The following STK32B variants were observed in gnomAD, a reference collection of about 807,000 sequenced individuals.
The protein encoded by STK32B is serine/threonine kinase 32B, also known as serine/threonine-protein kinase 32B.
Under a neutral mutation model 52.6 loss-of-function variants are expected in STK32B, and 43 were observed. That is an observed-to-expected ratio of 0.82 (90% CI 0.64 to 1.05). The LOEUF (loss-of-function observed/expected upper bound fraction) is 1.05, where lower values mean the gene tolerates loss of function less well. Among genes scored for constraint, STK32B ranks in the 50% least tolerant of loss-of-function variants. The pLI is 0.00. For missense variants in STK32B, 621 were observed against 534.6 expected (o/e 1.16, Z -1.59); for synonymous variants, 238 against 204.3 (o/e 1.17, Z -1.41).
intron 5 of STK32B, among the ~76,000 whole-genome samples, chr4:5,402,577 G>A (rs1272116163): frequency 1.3e-5 from 2 of 152,208 alleles, no homozygotes; most frequent in African/African-American, 2.4e-5. Context: ...CCCTGTGGCC[G>A]AGGAACTCAT....
intron 7 of STK32B, among the ~76,000 whole-genome samples, chr4:5,452,954 C>A (rs1716139280): frequency 6.6e-6 from 1 of 152,040 alleles, no homozygotes; most frequent in Admixed American, 6.6e-5. Context: ...AGTGAGAGAA[C>A]TCAGCATCAG....
chr4:5,044,669 G>A, the STK32B span, among the ~76,000 whole-genome samples: 2 of 152,148 alleles, frequency 1.3e-5, no homozygotes, highest in East Asian at 3.9e-4. Context: ...ACTTTGGGAG[G>A]CCCAAAGCTG....
At chr4:5,493,012 T>G (rs1385543658) in intron 11 of STK32B, among the ~76,000 whole-genome samples, 12 of 151,506 alleles carry the variant, frequency 7.9e-5, no homozygotes, top group Admixed American at 6.6e-5. Context: ...TGCATCAATG[T>G]TCATCAAGGA....
chr4:5,344,296 G>A (rs1733302156), intron 4 of STK32B, among the ~76,000 whole-genome samples: 1 of 152,154 alleles, frequency 6.6e-6, no homozygotes, highest in Admixed American at 6.6e-5. Flanking sequence ...ATTTTTACCA[G>A]TAGCATTACC....
At chr4:5,339,671 C>T (rs1732942830) in intron 4 of STK32B, among the ~76,000 whole-genome samples, 1 of 152,088 alleles carries the variant, frequency 6.6e-6, no homozygotes, top group South Asian at 2.1e-4. Context: ...AAATGCAAGC[C>T]TGGGTTGGAT....
intron 3 of STK32B, among the ~76,000 whole-genome samples, chr4:5,241,415 G>C (rs1725014268): frequency 6.6e-6 from 1 of 152,052 alleles, no homozygotes; most frequent in South Asian, 2.1e-4. Flanking sequence ...GGTATTTGTT[G>C]TTGGATCTGA....
chr4:5,332,495 T>C (rs971360903), intron 4 of STK32B, among the ~76,000 whole-genome samples: 1 of 152,062 alleles, frequency 6.6e-6, no homozygotes, highest in African/African-American at 2.4e-5. Context: ...TTATTTTTGT[T>C]TTATTTTATT....
chr4:5,131,310 A>T lies in STK32B; in HGVS notation c.53-8595A>T, dbSNP rs933158255. On this transcript the variant is annotated intron_variant, in intron 1 of 11. Transcript: ENST00000282908. ...ATCAGCTTTCGTCAGGCAGGCTGAGATCGCTGTACAATCACTGAGATCCTG... is the reference window on the plus strand; with the variant it reads ...ATCAGCTTTCGTCAGGCAGGCTGAGTTCGCTGTACAATCACTGAGATCCTG... 2.0e-5 allele frequency among the ~76,000 whole-genome samples: 3 copies of T among 152,220 alleles called. No individual in the cohort carries two copies. In the East Asian group the frequency reaches 5.8e-4, roughly 29 times the overall value.
chr4:5,143,988 C>T (rs1214750622), intron 2 of STK32B, among the ~76,000 whole-genome samples: 1 of 152,234 alleles, frequency 6.6e-6, no homozygotes, highest in Non-Finnish European at 1.5e-5. Context: ...ACTCCCCTGA[C>T]CCGGCTGGAA....
intron 3 of STK32B, among the ~76,000 whole-genome samples, chr4:5,322,591 G>A (rs1303294632): frequency 1.3e-5 from 2 of 152,236 alleles, no homozygotes; most frequent in Admixed American, 1.3e-4. Context: ...TCAGGAAGAA[G>A]AAGTGGAGAA....
At chr4:5,235,733 T>A (rs1396927575) in intron 3 of STK32B, among the ~76,000 whole-genome samples, 1 of 152,224 alleles carries the variant, frequency 6.6e-6, no homozygotes, top group Non-Finnish European at 1.5e-5. Context: ...AGTCTTCGAT[T>A]TGAACCTTTG....
intron 1 of STK32B, among the ~76,000 whole-genome samples, chr4:5,053,874 G>GA (rs572602155): frequency 7.9e-5 from 12 of 152,230 alleles, no homozygotes; most frequent in Admixed American, 6.5e-4. Flanking sequence ...AGCTACTCAG[G>GA]AGGCTGAGGC....
chr4:5,098,002 T>G (rs1276562382), intron 1 of STK32B, among the ~76,000 whole-genome samples: 1 of 152,232 alleles, frequency 6.6e-6, no homozygotes, highest in Non-Finnish European at 1.5e-5. Flanking sequence ...TTGGCCGGGA[T>G]GGATCATCTG....
In STK32B at chr4:5,051,798, G is replaced by T; in HGVS notation, c.-66G>T. ...CCCCCGGCATCCCGCATCTCTGCGC[G>T]CGTCCCACATCCCGCATCCGGCATC... is the stretch of plus-strand genomic sequence containing the variant. On this transcript the variant is annotated 5_prime_UTR_variant, in exon 1 of 12. Coordinates refer to ENST00000282908, the MANE Select transcript of STK32B (RefSeq NM_018401.3). The T allele has an allele frequency of 6.4e-7, 1 of 1,550,674 alleles. No individual in the cohort carries two copies. The highest frequency in any genetic ancestry group is 8.7e-7 in the Non-Finnish European group (1 of 1,147,288).
chr4:5,073,900 A>G (rs553583627), intron 1 of STK32B, among the ~76,000 whole-genome samples: 24 of 151,614 alleles, frequency 1.6e-4, no homozygotes, highest in African/African-American at 5.6e-4. Flanking sequence ...ATTTTTCTTT[A>G]TCTTTTATCA....
At chr4:5,374,783 G>GA (rs1273552860) in intron 4 of STK32B, among the ~76,000 whole-genome samples, 2 of 150,690 alleles carry the variant, frequency 1.3e-5, no homozygotes, top group African/African-American at 4.9e-5. Flanking sequence ...CGGGGGCGGG[G>GA]GGGGAACACC....
At chr4:5,465,745 GC>G (rs1717378766) in intron 9 of STK32B, among the ~76,000 whole-genome samples, 1 of 152,184 alleles carries the variant, frequency 6.6e-6, no homozygotes, top group Admixed American at 6.5e-5. Context: ...AGGACACAGG[GC>G]CCAGTGGCAA....
rs1284464204 is a variant in STK32B, at chr4:5,317,254, C to CATATATATAAT, written c.261-13961_261-13960insTATAATATATA. 3.4e-4 allele frequency among the ~76,000 whole-genome samples: 6 copies of CATATATATAAT among 17,686 alleles called. 1 individual carries two copies. The African/African-American group carries it at 3.8e-3, about 11-fold the overall frequency. 11.6% of individuals were successfully genotyped at this position (17,686 alleles called of 152,430 possible). ...TATAACATATATATATTATATATAA[C>CATATATATAAT]ATATAACATATATATAATATATAAC... On this transcript the variant is annotated intron_variant, in intron 3 of 11. Coordinates refer to ENST00000282908, the MANE Select transcript of STK32B (RefSeq NM_018401.3).
chr4:5,440,427 A>G (rs1244124741), intron 6 of STK32B, among the ~76,000 whole-genome samples: 1 of 152,108 alleles, frequency 6.6e-6, no homozygotes, highest in Non-Finnish European at 1.5e-5. Context: ...GTGTGTAAGA[A>G]TGCTTGTGAT....
Sources: allele counts gnomAD v4.1 joint callset (sites outside exome capture counted in the v4.1 genomes callset), GRCh38; gene constraint gnomAD v4.1.1; transcripts MANE v1.5; gene names NCBI Gene and HGNC (gene_info 2026-07-23, HGNC 2026-07-21).